The following CALN1 variants were observed in gnomAD, a reference collection of about 807,000 sequenced individuals.
The protein encoded by CALN1 is calneuron 1.
In CALN1, 17 loss-of-function variants were observed where a neutral mutation model predicts 30.6. That is an observed-to-expected ratio of 0.56 (90% confidence interval 0.38 to 0.83). CALN1 has a LOEUF of 0.83. CALN1 is among the 40% of genes least tolerant of loss of function. The pLI is 0.00. For missense variants in CALN1, 291 were observed against 354.9 expected (o/e 0.82, Z 1.45); for synonymous variants, 156 against 131.4 (o/e 1.19, Z -1.28).
intron 5 of CALN1, among the ~76,000 whole-genome samples, chr7:71,887,151 CAGG>C (rs1443951979): frequency 1.3e-5 from 2 of 151,986 alleles, no homozygotes; most frequent in Non-Finnish European, 2.9e-5. Context: ...GTGGGGGTGT[CAGG>C]AGGAGATCTG....
At chr7:71,790,857 G>C (rs930003830) in intron 6 of CALN1, among the ~76,000 whole-genome samples, 1 of 152,190 alleles carries the variant, frequency 6.6e-6, no homozygotes, top group African/African-American at 2.4e-5. Context: ...AGCTGCCGGG[G>C]ACAGGAGGGG....
intron 3 of CALN1, among the ~76,000 whole-genome samples, chr7:72,218,736 G>T (rs1164386390): frequency 1.3e-5 from 2 of 152,180 alleles, no homozygotes; most frequent in Non-Finnish European, 2.9e-5. Context: ...GTAGGGACTA[G>T]GTGGTCATTA....
chr7:72,187,617 G>A (rs958037641), intron 3 of CALN1, among the ~76,000 whole-genome samples: 3 of 152,140 alleles, frequency 2.0e-5, no homozygotes, highest in Non-Finnish European at 4.4e-5. Flanking sequence ...CCCGCCTCAA[G>A]TCCATGGAAA....
At chr7:72,285,558 T>A (rs996286615) in intron 2 of CALN1, among the ~76,000 whole-genome samples, 5 of 152,170 alleles carry the variant, frequency 3.3e-5, no homozygotes, top group Non-Finnish European at 7.3e-5. Flanking sequence ...TGTACTTTTT[T>A]AAAGTATCAG....
intron 2 of CALN1, among the ~76,000 whole-genome samples, chr7:72,339,383 T>C (rs1209779924): frequency 6.6e-6 from 1 of 152,178 alleles, no homozygotes; most frequent in Non-Finnish European, 1.5e-5. Context: ...ATAACTGAGA[T>C]GTAACAGGTA....
intron 1 of CALN1, among the ~76,000 whole-genome samples, chr7:72,426,198 G>A (rs1036585347): frequency 2.0e-5 from 3 of 152,232 alleles, no homozygotes; most frequent in Admixed American, 6.5e-5. Flanking sequence ...GAAGGTGAGG[G>A]GCCCAGGCCC....
intron 5 of CALN1, among the ~76,000 whole-genome samples, chr7:72,002,280 G>C (rs909577624): frequency 2.0e-5 from 3 of 152,130 alleles, no homozygotes; most frequent in Non-Finnish European, 4.4e-5. Context: ...TCCTAGTTTA[G>C]CCTAACCTAC....
chr7:72,482,069 T>C, the CALN1 span, among the ~76,000 whole-genome samples: 1 of 152,222 alleles, frequency 6.6e-6, no homozygotes, highest in Non-Finnish European at 1.5e-5. Context: ...GAAGCTCTGT[T>C]ATTAGGAACA....
chr7:72,400,931 AAG>A (rs1806296047), intron 2 of CALN1, among the ~76,000 whole-genome samples: 1 of 152,118 alleles, frequency 6.6e-6, no homozygotes, highest in South Asian at 2.1e-4. Flanking sequence ...GAGACACATC[AAG>A]GAGACTCCTC....
chr7:72,398,407 GTTTTC>G (rs1178413351), intron 2 of CALN1, among the ~76,000 whole-genome samples: 1 of 152,138 alleles, frequency 6.6e-6, no homozygotes, highest in East Asian at 1.9e-4. Context: ...TTGTCTACAC[GTTTTC>G]ATTTCAAAAT....
intron 5 of CALN1, among the ~76,000 whole-genome samples, chr7:71,843,452 C>G (rs1017582764): frequency 2.0e-5 from 3 of 151,880 alleles, no homozygotes; most frequent in South Asian, 2.1e-4. Context: ...GACCCTATCT[C>G]TAAAAAAAAC....
chr7:72,142,227 G>A (rs562827185), intron 3 of CALN1, among the ~76,000 whole-genome samples: 13 of 152,308 alleles, frequency 8.5e-5, no homozygotes, highest in Admixed American at 2.0e-4. Context: ...TCCTAGCCAA[G>A]GGAAGAAGGG....
intron 4 of CALN1, among the ~76,000 whole-genome samples, chr7:72,059,492 G>C (rs988353274): frequency 1.3e-5 from 2 of 152,086 alleles, no homozygotes; most frequent in African/African-American, 4.8e-5. Flanking sequence ...CAATACTTCA[G>C]GCTAAATTTA....
intron 4 of CALN1, among the ~76,000 whole-genome samples, chr7:72,080,010 T>C (rs372849576): frequency 1.3e-5 from 2 of 151,876 alleles, no homozygotes; most frequent in South Asian, 2.1e-4. Flanking sequence ...ACCTCAGGTG[T>C]TCTGCTCGCC....
intron 6 of CALN1, among the ~76,000 whole-genome samples, chr7:71,801,805 C>T (rs186709970): frequency 1.3e-5 from 2 of 151,752 alleles, no homozygotes; most frequent in Admixed American, 6.6e-5. Context: ...GGTGAAACCC[C>T]GTCTCTACTA....
chr7:72,237,204 A>C (rs1176327033), intron 3 of CALN1, among the ~76,000 whole-genome samples: 4 of 152,010 alleles, frequency 2.6e-5, no homozygotes, highest in African/African-American at 9.7e-5. Flanking sequence ...GGCTGGTCTC[A>C]AACTCCTGAC....
chr7:72,332,581 C>T (rs548494186), intron 2 of CALN1, among the ~76,000 whole-genome samples: 11 of 152,060 alleles, frequency 7.2e-5, no homozygotes, highest in Non-Finnish European at 1.0e-4. Flanking sequence ...TCATTTACTT[C>T]CATAGCATCC....
At chr7:72,029,708 A>T (rs1801315351) in intron 4 of CALN1, among the ~76,000 whole-genome samples, 1 of 152,214 alleles carries the variant, frequency 6.6e-6, no homozygotes, top group Non-Finnish European at 1.5e-5. Context: ...CAGGTTGGTG[A>T]ACACATGGAG....
At chr7:72,308,038 C>T (rs932845687) in intron 2 of CALN1, among the ~76,000 whole-genome samples, 1 of 152,120 alleles carries the variant, frequency 6.6e-6, no homozygotes, top group Non-Finnish European at 1.5e-5. Context: ...CTTTTCTTTG[C>T]TCAAGATGTG....
Sources: allele counts gnomAD v4.1 joint callset (sites outside exome capture counted in the v4.1 genomes callset), GRCh38; gene constraint gnomAD v4.1.1; transcripts MANE v1.5; gene names NCBI Gene and HGNC (gene_info 2026-07-23, HGNC 2026-07-21).